Variants in CEP78 observed in about 807,000 individuals in gnomAD.
CEP78 encodes centrosomal protein 78.
CEP78 carries 76 observed loss-of-function variants against 81.2 expected under a neutral mutation model. That is an observed-to-expected ratio of 0.94 (90% CI 0.78 to 1.13). CEP78 has a LOEUF of 1.13. Ranked by LOEUF, CEP78 falls within the 50% of genes most tolerant of loss-of-function variation. The probability of loss-of-function intolerance (pLI) is 0.00; values close to 1 mark genes in which losing one functional copy is unlikely to be tolerated. For missense variants in CEP78, 918 were observed against 846.8 expected, an observed-to-expected ratio of 1.08 and a Z score of -1.04; for synonymous variants, 293 against 301.4, an observed-to-expected ratio of 0.97 and a Z score of 0.29.
chr9:78,266,080 G>T (rs567096435), intron 15 of CEP78, among the ~76,000 whole-genome samples, 174 bp downstream of exon 15: 1 of 152,246 alleles, frequency 6.6e-6, no homozygotes, highest in African/African-American at 2.4e-5. Context: ...ATCTCAGCCA[G>T]TCTCAGACTG....
chr9:78,270,345 A>T (rs977929014), intron 16 of CEP78, among the ~76,000 whole-genome samples: 3 of 152,228 alleles, frequency 2.0e-5, no homozygotes, highest in Non-Finnish European at 2.9e-5. Context: ...TTTGCTGCTT[A>T]ATATATACAA....
chr9:78,256,524 A>ATTT lies in CEP78; in HGVS notation c.1380+1584_1380+1586dup, dbSNP rs35059009. Among the ~76,000 whole-genome samples the ATTT allele has an allele frequency of 4.0e-4, 31 of 76,676 alleles. 3 individuals are homozygous for ATTT. The highest frequency in any genetic ancestry group is 1.1e-3 in the African/African-American group (21 of 18,694). 50.3% of individuals were successfully genotyped at this position (76,676 alleles called of 152,430 possible). A position where few individuals can be genotyped will look rare whatever the true frequency, so the allele number is the denominator to read the frequency against. ...GCTCCCAGTGATCCTCTGCTCCCTT[A>ATTT]TTTTTTTTTTTTTTTTTTTTTTTTT... On this transcript the variant is annotated intron_variant, in intron 11 of 16. Coordinates refer to ENST00000643273, the MANE Select transcript of CEP78 (RefSeq NM_001330691.3).
At chr9:78,239,573 A>G (rs562489990) in intron 1 of CEP78, among the ~76,000 whole-genome samples, 2 of 152,284 alleles carry the variant, frequency 1.3e-5, no homozygotes, top group African/African-American at 4.8e-5. Context: ...CCTGATCCTC[A>G]TCACCTGTGA....
At position 78,278,558 on chromosome 9, in the gene CEP78, T is replaced by C. The variant is rs1256723726; in HGVS notation, c.*7707T>C. ...TCTATTCCTTGCCTTTAAAGAAAATTATGTTGGCAACTCACGAAGTATGTT... is the reference window on the plus strand; with the variant it reads ...TCTATTCCTTGCCTTTAAAGAAAATCATGTTGGCAACTCACGAAGTATGTT... On this transcript the variant is annotated 3_prime_UTR_variant, in exon 17 of 17. Transcript: ENST00000643273. 1 of 152,196 alleles carries C rather than the reference T, an allele frequency of 6.6e-6. No individual in the cohort carries two copies. The highest frequency in any genetic ancestry group is 2.4e-5 in the African/African-American group (1 of 41,450). 9.4% of individuals were successfully genotyped at this position (152,196 alleles called of 1,614,324 possible).
intron 11 of CEP78, among the ~76,000 whole-genome samples, chr9:78,262,089 T>TAG (rs1827301143): frequency 1.3e-5 from 2 of 152,274 alleles, no homozygotes; most frequent in Non-Finnish European, 1.5e-5. Context: ...TCAGAGAATC[T>TAG]TACTTAGCTT....
At position 78,275,067 on chromosome 9, in the gene CEP78, T is replaced by A. The variant is rs1429874277; in HGVS notation, c.*4216T>A. Reference sequence around the variant, plus strand: ...ATAAAGAAAAAAAAGCAAGAAGTAATTAACAAAAATTGCCAGCATTAGGAA... The same window carrying A: ...ATAAAGAAAAAAAAGCAAGAAGTAAATAACAAAAATTGCCAGCATTAGGAA... On this transcript the variant is annotated 3_prime_UTR_variant, in exon 17 of 17. Transcript: ENST00000643273. 1.3e-5 allele frequency: 2 copies of A among 152,020 alleles called. No homozygotes were observed. The highest frequency in any genetic ancestry group is 2.9e-5 in the Non-Finnish European group (2 of 67,980). 9.4% of individuals were successfully genotyped at this position (152,020 alleles called of 1,614,324 possible).
intron 8 of CEP78, chr9:78,249,475 A>G (rs1160562624): frequency 1.3e-5 from 2 of 152,118 alleles, no homozygotes; most frequent in Non-Finnish European, 2.9e-5. Context: ...AATGTTTGCT[A>G]TTTATGGTTT....
intron 11 of CEP78, among the ~76,000 whole-genome samples, chr9:78,257,218 C>T (rs10120514): frequency 0.012 from 1,859 of 152,150 alleles, 36 homozygotes; most frequent in African/African-American, 0.043. Flanking sequence ...AGAAAAATAC[C>T]GGTCACTTAA....
intron 11 of CEP78, among the ~76,000 whole-genome samples, chr9:78,260,582 C>T (rs1206585795): frequency 2.0e-5 from 3 of 151,752 alleles, no homozygotes; most frequent in Non-Finnish European, 4.4e-5. Context: ...TGGCGGACAC[C>T]TGTAGTCCCA....
rs1047415454 is a variant in CEP78 at position 78,276,306 on chromosome 9, A to T, written c.*5455A>T. The T allele has an allele frequency of 3.3e-5, 5 of 152,222 alleles. No individual in the cohort carries two copies. The highest frequency in any genetic ancestry group is 9.6e-5 in the African/African-American group (4 of 41,464). 9.4% of individuals were successfully genotyped at this position (152,222 alleles called of 1,614,324 possible). A position where few individuals can be genotyped will look rare whatever the true frequency, so the allele number is the denominator to read the frequency against. On this transcript the variant is annotated 3_prime_UTR_variant, in exon 17 of 17. Transcript: ENST00000643273. ...GCTGAAAGAGTATGTGATAAATTCA[A>T]CATCCTCTGGTATTCTTAACAATCT...
chr9:78,243,305 A>G (rs1325337608), intron 4 of CEP78, among the ~76,000 whole-genome samples, 157 bp from the exon 5 acceptor site: 1 of 152,228 alleles, frequency 6.6e-6, no homozygotes, highest in Non-Finnish European at 1.5e-5. Flanking sequence ...CTCCTTACTC[A>G]AAATCTACTA....
chr9:78,268,680 CT>C (rs1221969870), intron 16 of CEP78, among the ~76,000 whole-genome samples: 3,201 of 130,638 alleles, frequency 0.025, 50 homozygotes, highest in African/African-American at 0.075. Context: ...GGTTTCTTTT[CT>C]TTTTTTTTTT....
At chr9:78,267,122 C>T in intron 16 of CEP78, 1 of 965,348 alleles carries the variant, frequency 1.0e-6, no homozygotes, top group South Asian at 1.4e-5. Flanking sequence ...AGGAAGATTT[C>T]TCTATACTTT....
intron 10 of CEP78, among the ~76,000 whole-genome samples, chr9:78,254,096 CA>C (rs1826896024): frequency 6.6e-6 from 1 of 152,160 alleles, no homozygotes; most frequent in Non-Finnish European, 1.5e-5. Flanking sequence ...TATTGGACAA[CA>C]TTCCAGTGGC....
At position 78,266,494 on chromosome 9, in the gene CEP78, C is replaced by T; in HGVS notation, c.1898C>T (p.Pro633Leu). ...ATTCCTTTGCCTCTCGACTCCTTTCCTGTCCCAGTTTCTACTCCAGAGGGC... is the reference window on the plus strand; with the variant it reads ...ATTCCTTTGCCTCTCGACTCCTTTCTTGTCCCAGTTTCTACTCCAGAGGGC... The part of the protein sequence containing the change: ...ARIPLPLDSF[P>L]VPVSTPEGLG... Residue 633 changes from proline (P) to leucine (L), a missense_variant, in exon 16 of 17, where the codon CCT becomes CTT. Pro to Leu is a moderately conservative substitution (Grantham distance 98, BLOSUM62 -3). Coordinates refer to ENST00000643273, the MANE Select transcript of CEP78 (RefSeq NM_001330691.3). 2.5e-6 allele frequency: 4 copies of T among 1,613,364 alleles called. No homozygotes were observed. The highest frequency in any genetic ancestry group is 3.4e-6 in the Non-Finnish European group (4 of 1,179,450).
At chr9:78,246,646 G>A in intron 5 of CEP78, 23 bp from the exon 6 acceptor site, 1 of 1,421,846 alleles carries the variant, frequency 7.0e-7, no homozygotes, top group Non-Finnish European at 9.7e-7. Flanking sequence ...ATTAGCAAGT[G>A]ACCCTTTGTC....
rs922179238 is a variant in CEP78, at chr9:78,275,197, G to C, written c.*4346G>C. 1 of 152,110 alleles carries C rather than the reference G, an allele frequency of 6.6e-6. No individual in the cohort carries two copies. Among genetic ancestry groups the C allele is most frequent in the Non-Finnish European group, 1.5e-5 (1 of 68,020 alleles). 9.4% of individuals were successfully genotyped at this position (152,110 alleles called of 1,614,324 possible). A position where few individuals can be genotyped will look rare whatever the true frequency, so the allele number is the denominator to read the frequency against. On this transcript the variant is annotated 3_prime_UTR_variant, in exon 17 of 17. Coordinates refer to ENST00000643273, the MANE Select transcript of CEP78 (RefSeq NM_001330691.3). ...TAGTGTTAAACCAATAAATTTGAAA[G>C]ACTAGATGAAATGTGACTGTTTAAA...
chr9:78,250,515 G>A (rs1826706415), intron 8 of CEP78: 2 of 240,188 alleles, frequency 8.3e-6, no homozygotes, highest in African/African-American at 4.5e-5. Flanking sequence ...GAGGCGGGTG[G>A]ATTGCCTGAG....
intron 10 of CEP78, chr9:78,254,406 C>T (rs1826912161): frequency 6.6e-6 from 1 of 152,532 alleles, no homozygotes; most frequent in Non-Finnish European, 1.5e-5. Context: ...GTGAGGCCTC[C>T]ACGGATGAAT....
Sources: allele counts gnomAD v4.1 joint callset (sites outside exome capture counted in the v4.1 genomes callset), GRCh38; gene constraint gnomAD v4.1.1; transcripts MANE v1.5; gene names NCBI Gene and HGNC (gene_info 2026-07-23, HGNC 2026-07-21).